The following CDH13 variants were observed in gnomAD, a reference collection of about 807,000 sequenced individuals.
CDH13 encodes the protein cadherin-13.
CDH13 carries 24 observed loss-of-function variants against 63.8 expected under a neutral mutation model. The observed-to-expected ratio is 0.38, with a 90% CI of 0.27 to 0.53. The LOEUF (loss-of-function observed/expected upper bound fraction) is 0.53. Ranked by LOEUF, CDH13 falls within the 20% of genes least tolerant of loss-of-function variation. CDH13 has a pLI of 0.85. For missense variants in CDH13, 1,049 were observed against 903.1 expected, an observed-to-expected ratio of 1.16 and a Z score of -2.07; for synonymous variants, 503 against 355.3, an observed-to-expected ratio of 1.42 and a Z score of -4.67.
rs1031641911 is a variant in CDH13 at position 83,057,087 on chromosome 16, C to G, written c.366+24869C>G. Among the ~76,000 whole-genome samples the G allele has an allele frequency of 4.6e-5, 7 of 152,314 alleles. No individual in the cohort carries two copies. In the South Asian group the frequency reaches 1.2e-3, roughly 27 times the overall value. On this transcript the variant is annotated intron_variant, in intron 3 of 13. Transcript: ENST00000567109. ...GTTCAAGTGATTCTCCTGCCTCAGCCTCCTAAGTAGCTGGGATTACAGGCA... is the reference window on the plus strand; with the variant it reads ...GTTCAAGTGATTCTCCTGCCTCAGCGTCCTAAGTAGCTGGGATTACAGGCA...
intron 5 of CDH13, among the ~76,000 whole-genome samples, chr16:83,246,486 A>G (rs4421965): frequency 0.59 from 89,491 of 151,868 alleles, 28,129 homozygotes; most frequent in East Asian, 0.97. Flanking sequence ...TAATCCTATC[A>G]TTGGCCTGGC....
chr16:82,959,005 GAA>G (rs1421409449), intron 2 of CDH13, among the ~76,000 whole-genome samples: 1 of 152,232 alleles, frequency 6.6e-6, no homozygotes, highest in Non-Finnish European at 1.5e-5. Flanking sequence ...CAGTGTTGCT[GAA>G]ATCTACATCA....
At chr16:83,114,394 G>T (rs113902732) in intron 3 of CDH13, among the ~76,000 whole-genome samples, 1 of 152,072 alleles carries the variant, frequency 6.6e-6, no homozygotes, top group Admixed American at 6.5e-5. Flanking sequence ...CATTTCTCCC[G>T]TATGGGGGTG....
intron 1 of CDH13, among the ~76,000 whole-genome samples, chr16:82,850,737 T>C (rs1026163069): frequency 2.6e-5 from 4 of 152,120 alleles, no homozygotes; most frequent in African/African-American, 9.7e-5. Flanking sequence ...CTCCCCAACC[T>C]TCACAACCGC....
intron 2 of CDH13, among the ~76,000 whole-genome samples, chr16:82,947,573 A>C (rs1448956552): frequency 6.6e-6 from 1 of 152,182 alleles, no homozygotes; most frequent in Non-Finnish European, 1.5e-5. Context: ...AAATTAAGTA[A>C]ATTTTACAAA....
intron 6 of CDH13, among the ~76,000 whole-genome samples, chr16:83,368,145 C>A (rs2091289729): frequency 6.6e-6 from 1 of 152,236 alleles, no homozygotes; most frequent in East Asian, 1.9e-4. Flanking sequence ...GCTGGGAGCT[C>A]TCTTTTAACA....
chr16:83,379,938 T>TATATATATATATATATATATATATAGAG, intron 6 of CDH13, among the ~76,000 whole-genome samples: 7 of 123,462 alleles, frequency 5.7e-5, no homozygotes, highest in Middle Eastern at 4.2e-3. Context: ...TATATATATA[T>TATATATATATATATATATATATATAGAG]AGAGAGAGAG....
intron 11 of CDH13, among the ~76,000 whole-genome samples, chr16:83,762,216 T>A (rs1914029711): frequency 6.6e-6 from 1 of 152,224 alleles, no homozygotes; most frequent in Non-Finnish European, 1.5e-5. Context: ...TATAGATTAA[T>A]AAGTTGTGAC....
chr16:83,363,551 A>T (rs2091203603), intron 6 of CDH13, among the ~76,000 whole-genome samples: 1 of 152,190 alleles, frequency 6.6e-6, no homozygotes, highest in South Asian at 2.1e-4. Flanking sequence ...TGGTGGTGAG[A>T]GGCATCACTG....
At chr16:83,409,601 C>A (rs191231642) in intron 6 of CDH13, among the ~76,000 whole-genome samples, 1 of 152,210 alleles carries the variant, frequency 6.6e-6, no homozygotes, top group Non-Finnish European at 1.5e-5. Flanking sequence ...GAGTAATCTA[C>A]CCATTGTATG....
At chr16:83,656,791 C>T in intron 8 of CDH13, among the ~76,000 whole-genome samples, 1 of 152,170 alleles carries the variant, frequency 6.6e-6, no homozygotes, top group Non-Finnish European at 1.5e-5. Context: ...AAACCATTCC[C>T]AGTTATCCTT....
chr16:83,191,738 G>T, intron 4 of CDH13, among the ~76,000 whole-genome samples: 1 of 151,788 alleles, frequency 6.6e-6, no homozygotes, highest in East Asian at 2.0e-4. Flanking sequence ...AAAGATGTAG[G>T]CTGGGAGGCT....
intron 7 of CDH13, among the ~76,000 whole-genome samples, chr16:83,580,765 T>C (rs1159959867): frequency 6.6e-6 from 1 of 152,126 alleles, no homozygotes; most frequent in African/African-American, 2.4e-5. Flanking sequence ...GTGCTGGTAT[T>C]ACAGGCCTGC....
chr16:82,840,821 T>G (rs2038979865), intron 1 of CDH13, among the ~76,000 whole-genome samples: 1 of 152,166 alleles, frequency 6.6e-6, no homozygotes, highest in Non-Finnish European at 1.5e-5. Flanking sequence ...GCCGTTTCAT[T>G]GTAACACAAA....
chr16:82,994,170 A>G (rs1277710455), intron 2 of CDH13, among the ~76,000 whole-genome samples: 1 of 152,126 alleles, frequency 6.6e-6, no homozygotes. Context: ...GTGCTGATGC[A>G]TGAAGACGAC....
At chr16:82,678,884 C>G (rs150601596) in intron 1 of CDH13, among the ~76,000 whole-genome samples, 21 of 152,264 alleles carry the variant, frequency 1.4e-4, no homozygotes, top group African/African-American at 4.6e-4. Flanking sequence ...ATAGCCTGCC[C>G]TCAGCCTAGA....
chr16:82,870,456 C>T (rs9931358), intron 2 of CDH13, among the ~76,000 whole-genome samples: 432 of 152,212 alleles, frequency 2.8e-3, no homozygotes, highest in African/African-American at 0.01. Flanking sequence ...CCAACAGTCC[C>T]ACTGCTGGAT....
At position 83,378,268 on chromosome 16, in the gene CDH13, T is replaced by C. The variant is rs2151412230; in HGVS notation, c.781+33262T>C. On this transcript the variant is annotated intron_variant, in intron 6 of 13. Transcript: ENST00000567109. ...AACTGAGAATCTTGATGCCTTGCCC[T>C]GAAACACACAGACTAGGAGTGGGAG... Among the ~76,000 whole-genome samples the C allele has an allele frequency of 2.0e-5, 3 of 152,308 alleles. No individual in the cohort carries two copies. The Middle Eastern group carries it at 0.01, about 518-fold the overall frequency.
chr16:83,164,317 CCACACATCA>C (rs2037569452), intron 4 of CDH13, among the ~76,000 whole-genome samples: 1 of 151,942 alleles, frequency 6.6e-6, no homozygotes, highest in Non-Finnish European at 1.5e-5. Flanking sequence ...ACACTACATA[CCACACATCA>C]CACACCACAC....
Sources: gnomAD v4.1 joint callset for allele counts (sites outside exome capture counted in the v4.1 genomes callset) on GRCh38, gnomAD v4.1.1 for gene constraint, MANE v1.5 for transcripts, NCBI Gene and HGNC (gene_info 2026-07-23, HGNC 2026-07-21) for gene names.